Variants in PRKCZ observed in about 807,000 individuals in gnomAD.
The protein encoded by PRKCZ is protein kinase C zeta, also known as protein kinase C zeta type.
In PRKCZ, 33 loss-of-function variants were observed where a neutral mutation model predicts 79.5. The ratio of observed to expected loss-of-function variants is 0.41; its 90% confidence interval spans 0.31 to 0.55. The LOEUF is 0.55. Among genes scored for constraint, PRKCZ ranks in the 20% least tolerant of loss-of-function variants. The pLI, the probability that PRKCZ is intolerant of heterozygous loss-of-function variation, is 0.19. For missense variants in PRKCZ, 578 were observed against 813.5 expected, an observed-to-expected ratio of 0.71 and a Z score of 3.52; for synonymous variants, 342 against 320.9, an observed-to-expected ratio of 1.07 and a Z score of -0.70.
intron 7 of PRKCZ, among the ~76,000 whole-genome samples, chr1:2,146,478 G>A (rs932796857): frequency 1.1e-4 from 16 of 152,260 alleles, no homozygotes; most frequent in Non-Finnish European, 2.1e-4. Context: ...GCTGCACAGA[G>A]CTGAGCCCTA....
intron 16 of PRKCZ, among the ~76,000 whole-genome samples, chr1:2,179,143 G>A (rs1360100095): frequency 6.6e-6 from 1 of 152,240 alleles, no homozygotes; most frequent in Non-Finnish European, 1.5e-5. Flanking sequence ...TGCACTGGGA[G>A]GTGGCGCTCA....
chr1:2,115,772 A>G (rs1483842882), intron 4 of PRKCZ, among the ~76,000 whole-genome samples: 2 of 152,204 alleles, frequency 1.3e-5, no homozygotes, highest in African/African-American at 4.8e-5. Flanking sequence ...GAGGAGCTGC[A>G]CGGGAGGCTG....
rs1685974862 is a variant in PRKCZ at position 2,178,794 on chromosome 1, C to T, written c.1575+3481C>T. On this transcript the variant is annotated intron_variant, in intron 16 of 17. Coordinates refer to ENST00000378567, the MANE Select transcript of PRKCZ (RefSeq NM_002744.6). This position sits in a 1 kb window ranked among gnomAD's most constrained non-coding sequence, Gnocchi z 4.3. ...GGGGCACGTGTGAGGCCTTGGTCCC[C>T]ACCTGTGGACTCAGGGTCTCTTTCA... Among the ~76,000 whole-genome samples, 2 of 152,190 alleles carry T rather than the reference C, an allele frequency of 1.3e-5. No individual in the cohort carries two copies. The highest frequency in any genetic ancestry group is 1.3e-4 in the Admixed American group (2 of 15,274).
intron 4 of PRKCZ, among the ~76,000 whole-genome samples, chr1:2,130,078 A>AT (rs974486722): frequency 2.6e-5 from 4 of 151,568 alleles, no homozygotes; most frequent in South Asian, 2.1e-4. Flanking sequence ...CATTTTTTAT[A>AT]TTTTTTTTAT....
At chr1:2,153,916 G>T (rs1448337219) in intron 9 of PRKCZ, among the ~76,000 whole-genome samples, 1 of 152,178 alleles carries the variant, frequency 6.6e-6, no homozygotes, top group South Asian at 2.1e-4. Flanking sequence ...ACTCTCTGGG[G>T]CCAGGCTTGC....
chr1:2,049,028 T>A (rs185666767), upstream of PRKCZ, among the ~76,000 whole-genome samples: 24 of 152,084 alleles, frequency 1.6e-4, no homozygotes, highest in African/African-American at 5.8e-4. Flanking sequence ...CAGCTGGGCA[T>A]GGTGGTGGAC....
intron 4 of PRKCZ, chr1:2,074,241 C>T: frequency 6.4e-7 from 1 of 1,550,468 alleles, no homozygotes; most frequent in East Asian, 2.4e-5. Flanking sequence ...GAGGCAGGGG[C>T]TGCTGGAGGG....
rs772183268 is a variant in PRKCZ at position 2,175,229 on chromosome 1, C to A, written c.1491C>A (p.Pro497=). The change falls in exon 16 of 18, where the codon CCC becomes CCA. Residue 497 remains proline (P), a synonymous_variant. Coordinates refer to ENST00000378567, the MANE Select transcript of PRKCZ (RefSeq NM_002744.6). ...GTTTGAACTCTGACCTCCAGGACCC[C>A]AAAGAGAGGCTCGGCTGCCGGCCAC... ...HVLKGFLNKD[P]KERLGCRPQT... 1 of 1,613,794 alleles carries A rather than the reference C, an allele frequency of 6.2e-7. No individual in the cohort carries two copies. Among genetic ancestry groups the A allele is most frequent in the East Asian group, 2.2e-5 (1 of 44,886 alleles).
At chr1:2,109,321 C>T (rs1358101140) in intron 4 of PRKCZ, among the ~76,000 whole-genome samples, 3 of 152,198 alleles carry the variant, frequency 2.0e-5, no homozygotes, top group African/African-American at 4.8e-5. Flanking sequence ...CACTGCCGGA[C>T]GCGCAGGGGC....
intron 4 of PRKCZ, among the ~76,000 whole-genome samples, chr1:2,101,499 G>T (rs1667435574): frequency 1.3e-5 from 2 of 152,260 alleles, no homozygotes; most frequent in Middle Eastern, 6.8e-3. Context: ...ATTTGTTTCT[G>T]TGTTTGTTCC....
chr1:2,063,613 G>A (rs1660880495), intron 4 of PRKCZ, among the ~76,000 whole-genome samples: 2 of 152,038 alleles, frequency 1.3e-5, no homozygotes, highest in South Asian at 2.1e-4. Flanking sequence ...GCACCTGGCC[G>A]ATAATTCTGT....
At position 2,106,692 on chromosome 1, in the gene PRKCZ, A is replaced by G. The variant is rs72636383; in HGVS notation, c.335-28570A>G. On this transcript the variant is annotated intron_variant, in intron 4 of 17. Coordinates refer to ENST00000378567, the MANE Select transcript of PRKCZ (RefSeq NM_002744.6). Reference sequence around the variant, plus strand: ...TCACCAGGCCAGGTAACTCTCAGCAAGCCCCTCCGGTGGGCGAGGACCTCC... The same window carrying G: ...TCACCAGGCCAGGTAACTCTCAGCAGGCCCCTCCGGTGGGCGAGGACCTCC... Among the ~76,000 whole-genome samples the G allele has an allele frequency of 7.6e-3, 266 of 35,180 alleles. 27 individuals are homozygous for G. The highest frequency in any genetic ancestry group is 0.061 in the East Asian group (80 of 1,308). 23.1% of individuals were successfully genotyped at this position (35,180 alleles called of 152,430 possible). A position where few individuals can be genotyped will look rare whatever the true frequency, so the allele number is the denominator to read the frequency against.
At chr1:2,130,477 C>T (rs1295587402) in intron 4 of PRKCZ, among the ~76,000 whole-genome samples, 1 of 152,182 alleles carries the variant, frequency 6.6e-6, no homozygotes, top group Non-Finnish European at 1.5e-5. Flanking sequence ...AAAACTCCCA[C>T]CTCGGAGACC....
chr1:2,161,518 A>G (rs577508199), intron 10 of PRKCZ, among the ~76,000 whole-genome samples: 1 of 152,222 alleles, frequency 6.6e-6, no homozygotes, highest in African/African-American at 2.4e-5. Context: ...CCTGCAGTGT[A>G]CAGGGGGCCC....
At chr1:2,055,618 C>A in intron 2 of PRKCZ, 56 bp downstream of exon 2, 1 of 1,578,040 alleles carries the variant, frequency 6.3e-7, no homozygotes, top group Non-Finnish European at 8.6e-7. Flanking sequence ...TTCGCCAGGG[C>A]AGCCTCTGTG....
rs372358936 is a variant in PRKCZ, at chr1:2,096,430, T to G, written c.334+36839T>G. ...AGGTGCCTCCCTTCTCTGGGCAGAGTTTCCCCAGTTGGTGGTGTAGACGCC... is the reference window on the plus strand; with the variant it reads ...AGGTGCCTCCCTTCTCTGGGCAGAGGTTCCCCAGTTGGTGGTGTAGACGCC... On this transcript the variant is annotated intron_variant, in intron 4 of 17. Transcript: ENST00000378567. Among the ~76,000 whole-genome samples, 13 of 151,586 alleles carry G rather than the reference T, an allele frequency of 8.6e-5. No homozygotes were observed. In the South Asian group the frequency reaches 2.5e-3, roughly 29 times the overall value.
chr1:2,066,622 A>G (rs1416546179), intron 4 of PRKCZ, among the ~76,000 whole-genome samples: 1 of 152,210 alleles, frequency 6.6e-6, no homozygotes, highest in Non-Finnish European at 1.5e-5. Context: ...GATTTCGGGC[A>G]TGAGCTGCTG....
chr1:2,085,254 A>G (rs1571255256), intron 4 of PRKCZ, among the ~76,000 whole-genome samples: 1 of 152,254 alleles, frequency 6.6e-6, no homozygotes, highest in African/African-American at 2.4e-5. Context: ...ACGTTGTACC[A>G]TCCGCCCTAC....
chr1:2,065,540 G>A (rs924578215), intron 4 of PRKCZ, among the ~76,000 whole-genome samples: 4 of 152,126 alleles, frequency 2.6e-5, no homozygotes, highest in Non-Finnish European at 5.9e-5. Context: ...TTATCCGGGC[G>A]TGGTTGCAGG....
Sources: gnomAD v4.1 joint callset for allele counts (sites outside exome capture counted in the v4.1 genomes callset) on GRCh38, gnomAD v4.1.1 for gene constraint, Gnocchi (gnomAD v3.1) non-coding constraint, MANE v1.5 for transcripts, NCBI Gene and HGNC (gene_info 2026-07-23, HGNC 2026-07-21) for gene names.